The following IL12RB1 variants were observed in gnomAD, a reference collection of about 807,000 sequenced individuals.
IL12RB1 encodes interleukin 12 receptor subunit beta 1.
Under a neutral mutation model 94.4 loss-of-function variants are expected in IL12RB1, and 64 were observed. That is an observed-to-expected ratio of 0.68 (90% CI 0.55 to 0.83). The LOEUF is 0.83. Among genes scored for constraint, IL12RB1 ranks in the 40% least tolerant of loss-of-function variants. The pLI is 0.00. For missense variants in IL12RB1, 814 were observed against 855.6 expected, an observed-to-expected ratio of 0.95 and a Z score of 0.61; for synonymous variants, 362 against 355.5, an observed-to-expected ratio of 1.02 and a Z score of -0.21.
Position 18,059,328 on chromosome 19 carries a change from G to GC in IL12RB1, c.*279dup. ...GCCCAGGGTCCAGGGATCCATCTGA[G>GC]CCCCCCTTGCCCCCATTCCCAGTCC... On this transcript the variant is annotated 3_prime_UTR_variant, in exon 17 of 17. Coordinates refer to ENST00000593993, the MANE Select transcript of IL12RB1 (RefSeq NM_005535.3). The GC allele has an allele frequency of 1.8e-6, 1 of 554,894 alleles. No individual in the cohort carries two copies. Among genetic ancestry groups the GC allele is most frequent in the Non-Finnish European group, 3.3e-6 (1 of 307,332 alleles). 34.4% of individuals were successfully genotyped at this position (554,894 alleles called of 1,614,324 possible). A position where few individuals can be genotyped will look rare whatever the true frequency, so the allele number is the denominator to read the frequency against.
At chr19:18,071,264 C>T (rs942684500) in intron 9 of IL12RB1, 4 of 482,742 alleles carry the variant, frequency 8.3e-6, no homozygotes, top group Admixed American at 8.0e-5. Context: ...CCCAGCTACT[C>T]GGGAGGCTGA....
At position 18,061,174 on chromosome 19, in the gene IL12RB1, G is replaced by A. The variant is rs763499409; in HGVS notation, c.1739C>T (p.Pro580Leu). ...LNRAARHLCP[P>L]LPTPCASSAI... ...GGAGCTGGCACAGGGTGTGGGCAGC[G>A]GCGGGCACAGGTGCCGTGCGGCCCT... Residue 580 changes from proline to leucine, a missense_variant, in exon 15 of 17, where the codon CCG becomes CTG. Physicochemically the swap from Pro to Leu is moderately conservative, Grantham distance 98. Coordinates refer to ENST00000593993, the MANE Select transcript of IL12RB1 (RefSeq NM_005535.3). The A allele has an allele frequency of 2.2e-5, 35 of 1,594,918 alleles. No individual in the cohort carries two copies. The highest frequency in any genetic ancestry group is 3.3e-4 in the Middle Eastern group (2 of 6,054).
At chr19:18,098,891 C>A in exon 1 of IL12RB1, 1 of 440,540 alleles carries the variant, frequency 2.3e-6, no homozygotes, top group South Asian at 1.6e-5. Flanking sequence ...GGTGACCCCA[C>A]GGAGTGATCA....
chr19:18,097,119 C>T (rs2037005934), intron 1 of IL12RB1, among the ~76,000 whole-genome samples: 1 of 152,084 alleles, frequency 6.6e-6, no homozygotes. Context: ...GGGTGAGATC[C>T]TCACTCGCCT....
intron 1 of IL12RB1, among the ~76,000 whole-genome samples, chr19:18,092,711 C>G (rs998430380): frequency 4.0e-5 from 6 of 149,386 alleles, no homozygotes; most frequent in Non-Finnish European, 3.0e-5. Context: ...ACTATGTTGC[C>G]TAGGCTGGTC....
chr19:18,096,832 T>TAAAAA (rs147883182), intron 1 of IL12RB1, among the ~76,000 whole-genome samples: 9 of 135,112 alleles, frequency 6.7e-5, no homozygotes, highest in African/African-American at 1.3e-4. Context: ...TCTCATAAAT[T>TAAAAA]AAAAAAAAAA....
chr19:18,063,947 T>G lies in IL12RB1; in HGVS notation c.1547A>C (p.Tyr516Ser), dbSNP rs1349853664. ...TGTGTCTGCTCGCACCTGCACCGTG[T>G]AGGCTACACCAGCCCGCAGGCCACT... Reference protein sequence around the residue: ...TLSGLRAGVAYTVQVRADTAW... With the variant: ...TLSGLRAGVASTVQVRADTAW... Residue 516 changes from tyrosine to serine, a missense_variant, in exon 13 of 17, where the codon TAC becomes TCC. Coordinates refer to ENST00000593993, the MANE Select transcript of IL12RB1 (RefSeq NM_005535.3). 6.2e-7 allele frequency: 1 copy of G among 1,612,962 alleles called. No individual in the cohort carries two copies. The highest frequency in any genetic ancestry group is 1.3e-5 in the African/African-American group (1 of 74,984).
upstream of IL12RB1, chr19:18,086,938 A>G (rs559280430): frequency 1.3e-3 from 1,990 of 1,546,034 alleles, 40 homozygotes; most frequent in South Asian, 0.02. Context: ...AAAGACTGAA[A>G]AAAAAGAAAA....
intron 1 of IL12RB1, among the ~76,000 whole-genome samples, chr19:18,098,244 T>C (rs1440460055): frequency 3.9e-5 from 6 of 152,164 alleles, no homozygotes; most frequent in Non-Finnish European, 8.8e-5. Context: ...TGCACCACTG[T>C]ACACCCTCAG....
At chr19:18,059,756 T>C in intron 16 of IL12RB1, 138 bp downstream of exon 16, 3 of 731,718 alleles carry the variant, frequency 4.1e-6, no homozygotes, top group Non-Finnish European at 7.6e-6. Flanking sequence ...GCTCTTCGTG[T>C]CTGTAAGACA....
chr19:18,071,285 T>C (rs1568497960), intron 9 of IL12RB1: 1 of 527,382 alleles, frequency 1.9e-6, no homozygotes, highest in East Asian at 7.2e-5. Flanking sequence ...AGCAGGAGAA[T>C]CTCTTGAATC....
At chr19:18,064,699 C>G (rs1428491575) in intron 12 of IL12RB1, among the ~76,000 whole-genome samples, 2 of 151,984 alleles carry the variant, frequency 1.3e-5, no homozygotes, top group Non-Finnish European at 2.9e-5. Flanking sequence ...GTCTTGAACT[C>G]CTGGCCTCAA....
chr19:18,061,603 A>T (rs1299534733), intron 14 of IL12RB1, among the ~76,000 whole-genome samples: 1 of 151,992 alleles, frequency 6.6e-6, no homozygotes, highest in Non-Finnish European at 1.5e-5. Flanking sequence ...AGGACCCAAA[A>T]GTTACTATCC....
chr19:18,061,431 T>C (rs1220362407), intron 14 of IL12RB1, among the ~76,000 whole-genome samples: 3 of 152,074 alleles, frequency 2.0e-5, no homozygotes, highest in Non-Finnish European at 4.4e-5. Context: ...GGTTTCGCCA[T>C]GTTGGCCAGG....
upstream of IL12RB1, chr19:18,087,110 G>A (rs2036399570): frequency 3.7e-6 from 2 of 541,478 alleles, no homozygotes; most frequent in Non-Finnish European, 6.5e-6. Context: ...CTGCCCTGCT[G>A]GCCCCAGACC....
chr19:18,064,457 T>C (rs574550842), intron 12 of IL12RB1, among the ~76,000 whole-genome samples: 1 of 146,064 alleles, frequency 6.8e-6, no homozygotes, highest in Admixed American at 6.9e-5. Flanking sequence ...CTTCTCTTAA[T>C]GCGCCCATTC....
chr19:18,063,938 T>C lies in IL12RB1; in HGVS notation c.1556A>G (p.Gln519Arg), dbSNP rs993655665. 8 of 1,612,966 alleles carry C rather than the reference T, an allele frequency of 5.0e-6. No homozygotes were observed. The African/African-American group carries it at 6.7e-5, about 13-fold the overall frequency. ...CAGCCACGCTGTGTCTGCTCGCACC[T>C]GCACCGTGTAGGCTACACCAGCCCG... Reference protein sequence around the residue: ...GLRAGVAYTVQVRADTAWLRG... With the variant: ...GLRAGVAYTVRVRADTAWLRG... The change falls in exon 13 of 17, where the codon CAG becomes CGG. Residue 519 changes from glutamine to arginine, a missense_variant. Physicochemically the swap from Gln to Arg is conservative, Grantham distance 43. Coordinates refer to ENST00000593993, the MANE Select transcript of IL12RB1 (RefSeq NM_005535.3).
intron 9 of IL12RB1, among the ~76,000 whole-genome samples, chr19:18,070,348 G>A (rs2034934054): frequency 6.6e-6 from 1 of 152,258 alleles, no homozygotes. Context: ...GTCTCCGGCT[G>A]TGGCAGATAC....
Position 18,086,792 on chromosome 19 carries a change from AG to A in IL12RB1, c.31del (p.Leu11SerfsTer40). 6.2e-7 allele frequency: 1 copy of A among 1,612,116 alleles called. No individual in the cohort carries two copies. The highest frequency in any genetic ancestry group is 8.5e-7 in the Non-Finnish European group (1 of 1,179,498). MEPLVTWVVP[L>X]LFLFLLSRQG... ...CCTGGACAGCAGGAAGAGGAAGAGG[AG>A]GGGGACCACCCAGGTCACCAGCGGC... On this transcript the variant is annotated frameshift_variant, in exon 1 of 17. Coordinates refer to ENST00000593993, the MANE Select transcript of IL12RB1 (RefSeq NM_005535.3). LOFTEE classifies it high-confidence loss of function.
Sources: allele counts gnomAD v4.1 joint callset (sites outside exome capture counted in the v4.1 genomes callset), GRCh38; gene constraint gnomAD v4.1.1; transcripts MANE v1.5; gene names NCBI Gene and HGNC (gene_info 2026-07-23, HGNC 2026-07-21).